AGBL1: variants seen among roughly 807,000 people sequenced by gnomAD.
AGBL1 encodes the protein AGBL carboxypeptidase 1.
In AGBL1, 130 loss-of-function variants were observed where a neutral mutation model predicts 118.9. The ratio of observed to expected loss-of-function variants is 1.09; its 90% CI spans 0.95 to 1.26. The LOEUF is 1.26. AGBL1 is among the 50% of genes most tolerant of loss of function. AGBL1 has a pLI of 0.00. For synonymous variants in AGBL1, 555 were observed against 478.9 expected, an observed-to-expected ratio of 1.16 and a Z score of -2.08; for missense variants, 1,584 against 1,298.1, an observed-to-expected ratio of 1.22 and a Z score of -3.38.
At chr15:86,096,028 C>G (rs1227643309) in intron 1 of AGBL1, among the ~76,000 whole-genome samples, 1 of 151,766 alleles carries the variant, frequency 6.6e-6, no homozygotes, top group Non-Finnish European at 1.5e-5. Context: ...CTATTGTTTA[C>G]TTAACATTAT....
chr15:86,661,056 C>T (rs2085529657), intron 21 of AGBL1, among the ~76,000 whole-genome samples: 1 of 152,160 alleles, frequency 6.6e-6, no homozygotes, highest in East Asian at 1.9e-4. Context: ...TTAGCTCTTT[C>T]ACCTTTAAAA....
At chr15:86,163,509 C>T (rs2077295583) in intron 5 of AGBL1, among the ~76,000 whole-genome samples, 1 of 152,132 alleles carries the variant, frequency 6.6e-6, no homozygotes, top group Non-Finnish European at 1.5e-5. Flanking sequence ...GGGTGGGTCA[C>T]CTAAGATCAG....
At chr15:86,550,773 G>A (rs1341156832) in intron 20 of AGBL1, among the ~76,000 whole-genome samples, 7 of 151,582 alleles carry the variant, frequency 4.6e-5, no homozygotes, top group African/African-American at 1.7e-4. Flanking sequence ...CAAAACAAAA[G>A]AATGTATATT....
intron 21 of AGBL1, among the ~76,000 whole-genome samples, chr15:86,647,968 A>C (rs2085312506): frequency 6.6e-6 from 1 of 152,142 alleles, no homozygotes; most frequent in Admixed American, 6.6e-5. Flanking sequence ...CATGTCTGGC[A>C]TTTCTAAGGA....
chr15:86,434,789 G>A (rs796876939), intron 18 of AGBL1, among the ~76,000 whole-genome samples: 1 of 152,144 alleles, frequency 6.6e-6, no homozygotes, highest in African/African-American at 2.4e-5. Flanking sequence ...TGTGTCTCTG[G>A]ACTCATGCAG....
intron 21 of AGBL1, among the ~76,000 whole-genome samples, chr15:86,589,807 C>T (rs1407073983): frequency 6.6e-6 from 1 of 152,036 alleles, no homozygotes; most frequent in Non-Finnish European, 1.5e-5. Context: ...TCTATCTGTC[C>T]ACACATATTT....
intron 18 of AGBL1, among the ~76,000 whole-genome samples, chr15:86,474,347 G>A (rs907188473): frequency 6.6e-6 from 1 of 152,182 alleles, no homozygotes; most frequent in Non-Finnish European, 1.5e-5. Context: ...TGTGACAGAT[G>A]GCACCTGGAA....
At chr15:86,966,712 A>T (rs965850222) in intron 23 of AGBL1, among the ~76,000 whole-genome samples, 4 of 151,926 alleles carry the variant, frequency 2.6e-5, no homozygotes, top group Non-Finnish European at 5.9e-5. Flanking sequence ...TATTTTCTTA[A>T]TCCAGTCTAT....
chr15:86,655,421 TATAA>T (rs1231728188), intron 21 of AGBL1, among the ~76,000 whole-genome samples: 3 of 152,178 alleles, frequency 2.0e-5, no homozygotes, highest in Non-Finnish European at 4.4e-5. Flanking sequence ...TATGTAAACA[TATAA>T]ATAACACTAT....
chr15:86,274,274 T>G (rs892347597), intron 15 of AGBL1, among the ~76,000 whole-genome samples: 5 of 152,186 alleles, frequency 3.3e-5, no homozygotes, highest in Non-Finnish European at 7.3e-5. Context: ...TTTGGTAATT[T>G]TGAGAAATTT....
intron 1 of AGBL1, among the ~76,000 whole-genome samples, chr15:86,134,281 C>A (rs1162757535): frequency 6.6e-6 from 1 of 152,222 alleles, no homozygotes; most frequent in Non-Finnish European, 1.5e-5. Context: ...AACTGCATGA[C>A]TGGAAGAACA....
At chr15:86,917,241 C>T (rs149609652), downstream of AGBL1, among the ~76,000 whole-genome samples, 1,566 of 152,282 alleles carry the variant, frequency 0.01, 14 homozygotes, top group Middle Eastern at 0.031. This position sits in a 1 kb window ranked among gnomAD's most constrained non-coding sequence, Gnocchi z 4.8. Context: ...CCACTCCTCA[C>T]TGACTCTTTG....
intron 24 of AGBL1, among the ~76,000 whole-genome samples, chr15:87,005,074 G>A (rs953468611): frequency 6.6e-6 from 1 of 152,102 alleles, no homozygotes; most frequent in Non-Finnish European, 1.5e-5. Flanking sequence ...TAGTCTGATG[G>A]GCTTCCCTTT....
chr15:86,122,327 A>G (rs1001386719), intron 1 of AGBL1, among the ~76,000 whole-genome samples: 1 of 152,180 alleles, frequency 6.6e-6, no homozygotes, highest in Non-Finnish European at 1.5e-5. Flanking sequence ...ATGAAATGTG[A>G]TTCTCCTTCA....
intron 5 of AGBL1, among the ~76,000 whole-genome samples, chr15:86,217,807 A>T (rs1021054275): frequency 6.6e-6 from 1 of 151,928 alleles, no homozygotes; most frequent in Admixed American, 6.6e-5. Context: ...CATCTGCCAG[A>T]TTCAGTAGGG....
At chr15:86,769,202 GGA>G (rs56130631) in intron 22 of AGBL1, among the ~76,000 whole-genome samples, 42,522 of 143,236 alleles carry the variant, frequency 0.3, 6,705 homozygotes, top group African/African-American at 0.42. Flanking sequence ...AGAGAAAGAG[GGA>G]GAGAGAGAGA....
intron 3 of AGBL1, 114 bp downstream of exon 3, chr15:86,143,959 T>A (rs1034815739): frequency 7.5e-7 from 1 of 1,324,786 alleles, no homozygotes; most frequent in Non-Finnish European, 1.0e-6. Context: ...GTCAGGGAGG[T>A]TCTGGACAAC....
intron 17 of AGBL1, among the ~76,000 whole-genome samples, chr15:86,380,509 T>TA (rs1382868562): frequency 1.3e-5 from 2 of 149,746 alleles, no homozygotes; most frequent in Non-Finnish European, 3.0e-5. Flanking sequence ...CTTTTCTTCT[T>TA]TCCTTTCTTT....
At chr15:86,645,076 C>G (rs1300041894) in intron 21 of AGBL1, among the ~76,000 whole-genome samples, 2 of 151,712 alleles carry the variant, frequency 1.3e-5, no homozygotes, top group Admixed American at 6.6e-5. Context: ...CTTTGATGAA[C>G]AAACATATGA....
Sources: gnomAD v4.1 joint callset for allele counts (sites outside exome capture counted in the v4.1 genomes callset) on GRCh38, gnomAD v4.1.1 for gene constraint, Gnocchi (gnomAD v3.1) non-coding constraint, MANE v1.5 for transcripts, NCBI Gene and HGNC (gene_info 2026-07-23, HGNC 2026-07-21) for gene names.